Variants in MEIKIN observed in about 807,000 individuals in gnomAD.
The protein encoded by MEIKIN is meiotic kinetochore factor.
chr5:131,839,425 A>T (rs1393288563), intron 11 of MEIKIN, among the ~76,000 whole-genome samples: 1 of 152,078 alleles, frequency 6.6e-6, no homozygotes, highest in Non-Finnish European at 1.5e-5. Context: ...TTTTGCCTTG[A>T]TGATCTGTCT....
At chr5:131,919,694 G>T (rs1168490461) in intron 6 of MEIKIN, among the ~76,000 whole-genome samples, 1 of 152,036 alleles carries the variant, frequency 6.6e-6, no homozygotes, top group East Asian at 1.9e-4. Flanking sequence ...GAAATACATG[G>T]ATATCTCCTG....
At chr5:131,843,637 T>G (rs528399060) in intron 11 of MEIKIN, among the ~76,000 whole-genome samples, 2 of 152,340 alleles carry the variant, frequency 1.3e-5, no homozygotes, top group Non-Finnish European at 2.9e-5. Flanking sequence ...TAACCTTTAC[T>G]CCAGCTCCCA....
chr5:131,853,240 G>A (rs548715641), intron 10 of MEIKIN, among the ~76,000 whole-genome samples: 14 of 152,310 alleles, frequency 9.2e-5, no homozygotes, highest in Non-Finnish European at 1.6e-4. Flanking sequence ...GAGTTTCCCT[G>A]AGTGCAGGGA....
chr5:131,842,015 T>C (rs1406487600), intron 11 of MEIKIN, among the ~76,000 whole-genome samples: 3 of 152,182 alleles, frequency 2.0e-5, no homozygotes, highest in Non-Finnish European at 4.4e-5. Context: ...TTCTTTTTTT[T>C]TTTGAGACAG....
chr5:131,889,206 T>C (rs1457905663), intron 8 of MEIKIN, among the ~76,000 whole-genome samples: 1 of 152,170 alleles, frequency 6.6e-6, no homozygotes, highest in Admixed American at 6.5e-5. Context: ...TCTTTTTTGG[T>C]TCCATATGAA....
At chr5:131,929,096 T>C (rs1373779496) in intron 5 of MEIKIN, among the ~76,000 whole-genome samples, 1 of 152,240 alleles carries the variant, frequency 6.6e-6, no homozygotes, top group Non-Finnish European at 1.5e-5. Context: ...TGATAATTTT[T>C]CTTTCAGCAC....
intron 8 of MEIKIN, among the ~76,000 whole-genome samples, chr5:131,892,895 T>G (rs923449713): frequency 4.3e-4 from 66 of 152,144 alleles, no homozygotes; most frequent in Non-Finnish European, 8.4e-4. Flanking sequence ...GGGTTTTTGG[T>G]GCGGATGTCC....
chr5:131,860,998 A>C (rs1750276988), intron 9 of MEIKIN, among the ~76,000 whole-genome samples: 1 of 150,628 alleles, frequency 6.6e-6, no homozygotes, highest in South Asian at 2.1e-4. Flanking sequence ...CTTGGCCTCA[A>C]GTGATTGCCT....
intron 5 of MEIKIN, among the ~76,000 whole-genome samples, chr5:131,932,642 C>T (rs911259209): frequency 1.3e-5 from 2 of 152,124 alleles, no homozygotes; most frequent in African/African-American, 4.8e-5. Flanking sequence ...TACAGAGAAA[C>T]GAATAATTGG....
At chr5:131,841,464 A>G (rs1436017644) in intron 11 of MEIKIN, among the ~76,000 whole-genome samples, 2 of 152,182 alleles carry the variant, frequency 1.3e-5, no homozygotes, top group African/African-American at 4.8e-5. Context: ...CTATACCAGT[A>G]CCATACTGTT....
At chr5:131,937,683 G>A (rs1463423726) in intron 4 of MEIKIN, among the ~76,000 whole-genome samples, 1 of 152,068 alleles carries the variant, frequency 6.6e-6, no homozygotes, top group Admixed American at 6.6e-5. Flanking sequence ...GTGTTCTTCA[G>A]AATTCTGAAT....
rs1209275905 is a variant in MEIKIN, at chr5:131,818,790, C to A, written c.1049G>T (p.Gly350Val). ...SPGTRQVKNK[G>V]VIVKKKKYSL... ...ATATTTCTTCTTCTTTACAATAACA[C>A]CTTTATTTTTCACTTGTCTAGTTCC... The change falls in exon 12 of 13, where the codon GGT becomes GTT. Residue 350 changes from glycine to valine, a missense_variant. Transcript: ENST00000442687. 2.5e-6 allele frequency: 1 copy of A among 398,108 alleles called. No individual in the cohort carries two copies. Among genetic ancestry groups the A allele is most frequent in the Non-Finnish European group, 4.4e-6 (1 of 225,808 alleles). The allele number at this position is 398,108 out of a possible 1,614,324, so 24.7% of individuals were successfully genotyped here. A position where few individuals can be genotyped will look rare whatever the true frequency, so the allele number is the denominator to read the frequency against.
chr5:131,933,474 C>T, intron 5 of MEIKIN, 39 bp downstream of exon 5: 1 of 396,332 alleles, frequency 2.5e-6, no homozygotes. Context: ...AGAATAATTT[C>T]TATAGTAGAG....
At chr5:131,831,088 A>G (rs1749708979) in intron 11 of MEIKIN, among the ~76,000 whole-genome samples, 3 of 152,158 alleles carry the variant, frequency 2.0e-5, no homozygotes, top group Admixed American at 2.0e-4. Flanking sequence ...AGAAGAGACA[A>G]GGTTTCGCCA....
intron 9 of MEIKIN, among the ~76,000 whole-genome samples, chr5:131,868,717 C>CAA (rs56823877): frequency 1.1e-4 from 8 of 74,990 alleles, no homozygotes; most frequent in African/African-American, 1.5e-4. Flanking sequence ...TCTGTCTCTA[C>CAA]AAAAAAAAAA....
chr5:131,847,287 A>AT (rs1750037544), intron 11 of MEIKIN, among the ~76,000 whole-genome samples: 1 of 152,146 alleles, frequency 6.6e-6, no homozygotes, highest in South Asian at 2.1e-4. Flanking sequence ...AACATATGCT[A>AT]TATGTTGTTT....
chr5:131,860,799 T>C (rs1204772521), intron 9 of MEIKIN, among the ~76,000 whole-genome samples: 3 of 129,168 alleles, frequency 2.3e-5, no homozygotes, highest in Admixed American at 1.7e-4. Flanking sequence ...TCTTGCTCTG[T>C]CACTCAGGCT....
chr5:131,850,057 C>CA (rs70974020), intron 11 of MEIKIN, among the ~76,000 whole-genome samples: 95,433 of 149,090 alleles, frequency 0.64, 32,103 homozygotes, highest in Non-Finnish European at 0.77. Context: ...CCAAAAAAAA[C>CA]AAAAAAAAAG....
At chr5:131,926,505 G>A (rs1751589548) in intron 5 of MEIKIN, among the ~76,000 whole-genome samples, 1 of 152,108 alleles carries the variant, frequency 6.6e-6, no homozygotes, top group East Asian at 1.9e-4. Context: ...GTCTTTGCTT[G>A]TAGTATTTAC....
Sources: gnomAD v4.1 joint callset for allele counts (sites outside exome capture counted in the v4.1 genomes callset) on GRCh38, gnomAD v4.1.1 for gene constraint, MANE v1.5 for transcripts, NCBI Gene and HGNC (gene_info 2026-07-23, HGNC 2026-07-21) for gene names.